MYO5C: variants seen among roughly 807,000 people sequenced by gnomAD.
MYO5C encodes the protein myosin VC.
Under a neutral mutation model 235.7 loss-of-function variants are expected in MYO5C, and 194 were observed. That is an observed-to-expected ratio of 0.82 (90% confidence interval 0.73 to 0.93). The LOEUF (loss-of-function observed/expected upper bound fraction) is 0.93. Ranked by LOEUF, MYO5C falls within the 40% of genes least tolerant of loss-of-function variation. The probability of loss-of-function intolerance (pLI) is 0.00; values close to 1 mark genes in which losing one functional copy is unlikely to be tolerated. For synonymous variants in MYO5C, 707 were observed against 754.8 expected (o/e 0.94, Z 1.04); for missense variants, 2,038 against 2,127.2 (o/e 0.96, Z 0.82).
chr15:52,263,057 A>G (rs1436111193), intron 9 of MYO5C, among the ~76,000 whole-genome samples: 1 of 152,148 alleles, frequency 6.6e-6, no homozygotes, highest in Admixed American at 6.5e-5. Context: ...AGCCAGGCAG[A>G]AAGTCCTCAC....
At chr15:52,274,698 A>C (rs1018370957) in intron 5 of MYO5C, among the ~76,000 whole-genome samples, 4 of 136,262 alleles carry the variant, frequency 2.9e-5, no homozygotes, top group Admixed American at 2.4e-4. Flanking sequence ...GTTTCTATTT[A>C]ATTTTAAAAT....
intron 20 of MYO5C, 129 bp from the exon 21 acceptor site, chr15:52,240,008 T>A: frequency 1.1e-6 from 1 of 914,782 alleles, no homozygotes; most frequent in Non-Finnish European, 1.6e-6. Context: ...TGCACAGCCG[T>A]ATTACAGCTA....
intron 14 of MYO5C, 105 bp from the exon 15 acceptor site, chr15:52,247,697 G>A (rs1244163481): frequency 1.5e-5 from 19 of 1,269,464 alleles, no homozygotes; most frequent in Middle Eastern, 1.9e-4. Context: ...ACTAGTGGGC[G>A]GTGAACAACC....
At chr15:52,204,752 C>A in intron 38 of MYO5C, 113 bp downstream of exon 38, 1 of 1,291,794 alleles carries the variant, frequency 7.7e-7, no homozygotes, top group Non-Finnish European at 1.0e-6. Flanking sequence ...AGCAGTAGGG[C>A]CTAAACAGGG....
At position 52,211,747 on chromosome 15, in the gene MYO5C, T is replaced by C; in HGVS notation, c.4279A>G (p.Ile1427Val). 7 of 1,613,880 alleles carry C rather than the reference T, an allele frequency of 4.3e-6. No homozygotes were observed. Among genetic ancestry groups the C allele is most frequent in the Non-Finnish European group, 5.9e-6 (7 of 1,179,822 alleles). Reference protein sequence around the residue: ...KSLMNSTINGIKQVVKEHLED... With the variant: ...KSLMNSTINGVKQVVKEHLED... Reference sequence around the variant, plus strand: ...TTTCCTACCTTAACCACCTGCTTGATGCCATTAATGGTGCTGTTCATGAGG... The same window carrying C: ...TTTCCTACCTTAACCACCTGCTTGACGCCATTAATGGTGCTGTTCATGAGG... The change falls in exon 35 of 41, where the codon ATC becomes GTC. Residue 1427 changes from isoleucine (I) to valine (V), a missense_variant. Ile to Val is a conservative substitution (Grantham distance 29, BLOSUM62 3). Coordinates refer to ENST00000261839, the MANE Select transcript of MYO5C (RefSeq NM_018728.4).
chr15:52,247,258 C>T (rs1167194531), intron 15 of MYO5C, among the ~76,000 whole-genome samples, 200 bp downstream of exon 15: 3 of 152,152 alleles, frequency 2.0e-5, no homozygotes, highest in South Asian at 2.1e-4. Context: ...TGTGCAAGAG[C>T]GTGGTTTGCT....
chr15:52,276,950 A>T (rs1171029548), intron 4 of MYO5C, among the ~76,000 whole-genome samples: 1 of 151,974 alleles, frequency 6.6e-6, no homozygotes, highest in African/African-American at 2.4e-5. Flanking sequence ...TACGACATAG[A>T]TATCTCTTTT....
In MYO5C at chr15:52,192,524, G is replaced by C. The variant is rs985053265; in HGVS notation, c.*1378C>G. 6 of 152,174 alleles carry C rather than the reference G, an allele frequency of 3.9e-5. No homozygotes were observed. Among genetic ancestry groups the C allele is most frequent in the African/African-American group, 1.4e-4 (6 of 41,416 alleles). 9.4% of individuals were successfully genotyped at this position (152,174 alleles called of 1,614,324 possible). ...TATTATAGAATCACAGCTGTCACCT[G>C]TGACTGTCAGAAACAGAAGGTGCAA... On this transcript the variant is annotated 3_prime_UTR_variant, in exon 41 of 41. Transcript: ENST00000261839.
chr15:52,197,666 C>G (rs1356827428), intron 38 of MYO5C, among the ~76,000 whole-genome samples: 2 of 152,158 alleles, frequency 1.3e-5, no homozygotes, highest in Non-Finnish European at 1.5e-5. Context: ...GAGTCTCCCT[C>G]TATCACCCAG....
chr15:52,223,820 G>A (rs1354837774), intron 28 of MYO5C, 96 bp from the exon 29 acceptor site: 2 of 1,098,072 alleles, frequency 1.8e-6, no homozygotes, highest in Non-Finnish European at 2.6e-6. Flanking sequence ...CAAGAGCCGT[G>A]CACGAAGTAC....
At chr15:52,230,905 G>C (rs2035937740) in intron 24 of MYO5C, among the ~76,000 whole-genome samples, 1 of 140,338 alleles carries the variant, frequency 7.1e-6, no homozygotes, top group Non-Finnish European at 1.5e-5. Flanking sequence ...TCAGCTCATT[G>C]AAACCTCCGC....
chr15:52,258,600 C>T (rs1331741797), intron 10 of MYO5C, among the ~76,000 whole-genome samples: 1 of 152,182 alleles, frequency 6.6e-6, no homozygotes, highest in Non-Finnish European at 1.5e-5. Context: ...AGAGCTTTCT[C>T]AAAAGTTGCA....
intron 31 of MYO5C, 90 bp from the exon 32 acceptor site, chr15:52,218,777 A>G (rs940295613): frequency 2.2e-6 from 3 of 1,368,218 alleles, no homozygotes; most frequent in Admixed American, 4.2e-5. Flanking sequence ...ATTTCCAAAG[A>G]TGGAAGAACA....
At chr15:52,237,364 T>C in intron 22 of MYO5C, 118 bp downstream of exon 22, 3 of 1,288,514 alleles carry the variant, frequency 2.3e-6, no homozygotes, top group Non-Finnish European at 3.2e-6. Flanking sequence ...TAATGGAAGT[T>C]GATAGCAAAA....
At chr15:52,271,912 C>A in intron 6 of MYO5C, 68 bp from the exon 7 acceptor site, 1 of 905,342 alleles carries the variant, frequency 1.1e-6, no homozygotes, top group Non-Finnish European at 1.7e-6. Context: ...AGGTTTTTAA[C>A]TAGAGGGTCC....
rs140750384 is a variant in MYO5C at position 52,251,385 on chromosome 15, G to A, written c.1662+5C>T. On this transcript the variant is annotated splice_donor_5th_base_variant and intron_variant, in intron 13 of 40. Coordinates refer to ENST00000261839, the MANE Select transcript of MYO5C (RefSeq NM_018728.4). Reference sequence around the variant, plus strand: ...TGACAGCATTGATGGAGACCTTCACGGTACCTTATCAGCAAAGTGCTGGAT... The same window carrying A: ...TGACAGCATTGATGGAGACCTTCACAGTACCTTATCAGCAAAGTGCTGGAT... 2.8e-4 allele frequency: 446 copies of A among 1,591,712 alleles called. No individual in the cohort carries two copies. In the African/African-American group the frequency reaches 5.3e-3, roughly 19 times the overall value.
chr15:52,261,169 C>A, intron 9 of MYO5C, 42 bp from the exon 10 acceptor site: 1 of 1,603,466 alleles, frequency 6.2e-7, no homozygotes, highest in South Asian at 1.1e-5. Context: ...GCCCAGCCAT[C>A]CAAAGACACA....
At chr15:52,262,974 G>A (rs893305551) in intron 9 of MYO5C, among the ~76,000 whole-genome samples, 2 of 152,170 alleles carry the variant, frequency 1.3e-5, no homozygotes, top group South Asian at 2.1e-4. Flanking sequence ...TGGGATTAGT[G>A]TTCTCGTAAG....
chr15:52,250,399 C>T lies in MYO5C; in HGVS notation c.1662+991G>A, dbSNP rs531362640. Among the ~76,000 whole-genome samples, 34 of 151,990 alleles carry T rather than the reference C, an allele frequency of 2.2e-4. No homozygotes were observed. In the South Asian group the frequency reaches 3.5e-3, roughly 16 times the overall value. The stretch of plus-strand genomic sequence containing the variant: ...CTGGGATTACAGGTGCGTGCCACCA[C>T]GCCTGGCTTATTTTTGTATTTTTTA... On this transcript the variant is annotated intron_variant, in intron 13 of 40. Coordinates refer to ENST00000261839, the MANE Select transcript of MYO5C (RefSeq NM_018728.4).
Sources: allele counts gnomAD v4.1 joint callset (sites outside exome capture counted in the v4.1 genomes callset), GRCh38; gene constraint gnomAD v4.1.1; transcripts MANE v1.5; gene names NCBI Gene and HGNC (gene_info 2026-07-23, HGNC 2026-07-21).